The following YIPF2 variants were observed in gnomAD, a reference collection of about 807,000 sequenced individuals.
The protein encoded by YIPF2 is protein YIPF2.
Under a neutral mutation model 38.8 loss-of-function variants are expected in YIPF2, and 30 were observed. The observed-to-expected ratio is 0.77, with a 90% CI of 0.58 to 1.05. The LOEUF is 1.05. Among genes scored for constraint, YIPF2 ranks in the 50% least tolerant of loss-of-function variants. The probability of loss-of-function intolerance (pLI) is 0.00; values close to 1 mark genes in which losing one functional copy is unlikely to be tolerated. For synonymous variants in YIPF2, 194 were observed against 183.8 expected, an observed-to-expected ratio of 1.06 and a Z score of -0.45; for missense variants, 401 against 409.7, an observed-to-expected ratio of 0.98 and a Z score of 0.18.
intron 4 of YIPF2, 29 bp downstream of exon 4, chr19:10,927,600 GC>G: frequency 6.2e-7 from 1 of 1,610,562 alleles, no homozygotes; most frequent in Non-Finnish European, 8.5e-7. Context: ...ATAACTCTGA[GC>G]CCCATCCCAC....
chr19:10,923,992 C>T lies in YIPF2; in HGVS notation c.492G>A (p.Val164=). The T allele has an allele frequency of 6.2e-7, 1 of 1,612,832 alleles. No homozygotes were observed. The highest frequency in any genetic ancestry group is 8.5e-7 in the Non-Finnish European group (1 of 1,179,428). The change falls in exon 7 of 10, where the codon GTG becomes GTA. Residue 164 remains valine, a synonymous_variant. Coordinates refer to ENST00000586748, the MANE Select transcript of YIPF2 (RefSeq NM_001321439.2). ...CATAGCAGTAGATGCTGATGCCTGCCACGGTCACTGGGGGGGGCAAGGTGA... is the reference window on the plus strand; with the variant it reads ...CATAGCAGTAGATGCTGATGCCTGCTACGGTCACTGGGGGGGGCAAGGTGA... ...HYSPQFHKVT[V]AGISIYCYAW... is the part of the protein sequence containing the mutation.
chr19:10,927,279 C>G (rs552409700), intron 4 of YIPF2, among the ~76,000 whole-genome samples: 1 of 152,324 alleles, frequency 6.6e-6, no homozygotes, highest in East Asian at 1.9e-4. Context: ...GCTGGGATTA[C>G]AGGCAGGAGC....
chr19:10,924,029 C>T, intron 6 of YIPF2, 30 bp from the exon 7 acceptor site: 5 of 1,612,736 alleles, frequency 3.1e-6, no homozygotes, highest in Non-Finnish European at 4.2e-6. Flanking sequence ...CAGTCACCCC[C>T]TGTACCCCAG....
At position 10,922,597 on chromosome 19, in the gene YIPF2, G is replaced by C. The variant is rs2074275541; in HGVS notation, c.*597C>G. The C allele has an allele frequency of 6.6e-6, 1 of 151,832 alleles. No individual in the cohort carries two copies. The highest frequency in any genetic ancestry group is 2.1e-4 in the South Asian group (1 of 4,826). The allele number at this position is 151,832 out of a possible 1,614,324, so 9.4% of individuals were successfully genotyped here. A position where few individuals can be genotyped will look rare whatever the true frequency, so the allele number is the denominator to read the frequency against. On this transcript the variant is annotated 3_prime_UTR_variant, in exon 10 of 10. Coordinates refer to ENST00000586748, the MANE Select transcript of YIPF2 (RefSeq NM_001321439.2). ...GTCACGGAAGGCGTCCTTTTTCCTT[G>C]TAGCTAACGTTAGGCCTGAGTAGCT...
intron 4 of YIPF2, among the ~76,000 whole-genome samples, chr19:10,926,772 C>T (rs758633590): frequency 1.3e-5 from 2 of 152,190 alleles, no homozygotes; most frequent in East Asian, 1.9e-4. Flanking sequence ...AGTGATCCAC[C>T]GCCTCGGCAT....
At chr19:10,924,927 A>T (rs2083398951) in intron 5 of YIPF2, among the ~76,000 whole-genome samples, 1 of 152,028 alleles carries the variant, frequency 6.6e-6, no homozygotes, top group Non-Finnish European at 1.5e-5. Flanking sequence ...AGGGACCCCG[A>T]AAACACTTAA....
In YIPF2 at chr19:10,927,881, TGTG is replaced by T. The variant is rs1366657855; in HGVS notation, c.107_109del (p.Pro36del). ...GCCCACGGCCACAGCCACGTGCCCT[TGTG>T]GGGTCAGCTGATCGCTTCTGCTGGT... On this transcript the variant is annotated inframe_deletion, in exon 3 of 10. Transcript: ENST00000586748. 10 of 1,612,594 alleles carry T rather than the reference TGTG, an allele frequency of 6.2e-6. No homozygotes were observed. Among genetic ancestry groups the T allele is most frequent in the Non-Finnish European group, 8.5e-6 (10 of 1,179,108 alleles).
At chr19:10,927,408 C>T (rs1372465077) in intron 4 of YIPF2, among the ~76,000 whole-genome samples, 1 of 152,180 alleles carries the variant, frequency 6.6e-6, no homozygotes, top group Non-Finnish European at 1.5e-5. Context: ...AGGTCTCAGC[C>T]AATTCCTCAC....
rs753528880 is a variant in YIPF2 at position 10,923,357 on chromosome 19, T to C, written c.885A>G (p.Gln295=). ...LPPENVAPPP[Q]ITSLPSNIAL... ...CGATGTTTGAGGGCAGAGATGTGAT[T>C]TGGGGTGGAGGAGCCACGTTCTCCG... is the stretch of plus-strand genomic sequence containing the variant. The change falls in exon 9 of 10, where the codon CAA becomes CAG. Residue 295 remains glutamine, a synonymous_variant. Transcript: ENST00000586748. 1 of 1,613,388 alleles carries C rather than the reference T, an allele frequency of 6.2e-7. No individual in the cohort carries two copies. The highest frequency in any genetic ancestry group is 1.7e-5 in the Admixed American group (1 of 59,882).
rs1568365781 is a variant in YIPF2, at chr19:10,927,731, C to T, written c.193-15G>A. The T allele has an allele frequency of 6.2e-7, 1 of 1,612,758 alleles. No homozygotes were observed. The highest frequency in any genetic ancestry group is 2.2e-5 in the East Asian group (1 of 44,882). On this transcript the variant is annotated splice_polypyrimidine_tract_variant and intron_variant, in intron 3 of 9. Transcript: ENST00000586748. Reference sequence around the variant, plus strand: ...TCCTGCAGGAGCTGCACATTGCGGGCATTCAGTGCCTGCCCGGAGAGCCTG... The same window carrying T: ...TCCTGCAGGAGCTGCACATTGCGGGTATTCAGTGCCTGCCCGGAGAGCCTG...
At position 10,925,727 on chromosome 19, in the gene YIPF2, T is replaced by A; in HGVS notation, c.326A>T (p.Asn109Ile). The A allele has an allele frequency of 6.2e-7, 1 of 1,613,928 alleles. No homozygotes were observed. Among genetic ancestry groups the A allele is most frequent in the Non-Finnish European group, 8.5e-7 (1 of 1,179,984 alleles). The change falls in exon 5 of 10, where the codon AAC becomes ATC. Residue 109 changes from asparagine (N) to isoleucine (I), a missense_variant. Physicochemically the swap from Asn to Ile is moderately radical, Grantham distance 149 (BLOSUM62 -3). Transcript: ENST00000586748. ...ATTCCGCAGATGGTGCCGCACAAAGTTGTGGCCAGGCCGGGGCAGCAGTGA... is the reference window on the plus strand; with the variant it reads ...ATTCCGCAGATGGTGCCGCACAAAGATGTGGCCAGGCCGGGGCAGCAGTGA... ...KGSLLPRPGH[N>I]FVRHHLRNRP...
intron 5 of YIPF2, 131 bp downstream of exon 5, chr19:10,925,555 G>T: frequency 1.8e-6 from 2 of 1,088,466 alleles, no homozygotes; most frequent in Non-Finnish European, 2.7e-6. Flanking sequence ...TCATGTCTCT[G>T]TCTCCCTGAA....
chr19:10,928,051 A>G, intron 2 of YIPF2, 92 bp from the exon 3 acceptor site: 1 of 1,516,458 alleles, frequency 6.6e-7, no homozygotes, highest in Non-Finnish European at 8.9e-7. Flanking sequence ...CTGGGGGCGG[A>G]GGCTCTGCTG....
Position 10,923,076 on chromosome 19 carries a change from G to T in YIPF2, c.*118C>A, listed in dbSNP as rs760989205. ...TAAAAGTGTTTGCTTTGTAAGAAAAGTCTGGAAAGTAGCAGAATCATCTCA... is the reference window on the plus strand; with the variant it reads ...TAAAAGTGTTTGCTTTGTAAGAAAATTCTGGAAAGTAGCAGAATCATCTCA... On this transcript the variant is annotated 3_prime_UTR_variant, in exon 10 of 10. Transcript: ENST00000586748. 1 of 522,378 alleles carries T rather than the reference G, an allele frequency of 1.9e-6. No homozygotes were observed. The highest frequency in any genetic ancestry group is 2.0e-5 in the African/African-American group (1 of 50,344). The allele number at this position is 522,378 out of a possible 1,614,324, so 32.4% of individuals were successfully genotyped here. A position where few individuals can be genotyped will look rare whatever the true frequency, so the allele number is the denominator to read the frequency against.
chr19:10,923,561 C>T lies in YIPF2; in HGVS notation c.768G>A (p.Arg256=). ...CGGACAGCAGCACTGTGGCCACCAG[C>T]CTGGTGTCCTCACGGACCACGGGCC... ...TLWPVVREDT[R]LVATVLLSVV... The change falls in exon 8 of 10, where the codon AGG becomes AGA. Residue 256 remains arginine, a synonymous_variant. Coordinates refer to ENST00000586748, the MANE Select transcript of YIPF2 (RefSeq NM_001321439.2). 4 of 1,612,678 alleles carry T rather than the reference C, an allele frequency of 2.5e-6. No individual in the cohort carries two copies. The highest frequency in any genetic ancestry group is 3.4e-6 in the Non-Finnish European group (4 of 1,179,802).
At position 10,923,524 on chromosome 19, in the gene YIPF2, G is replaced by A. The variant is rs973149334; in HGVS notation, c.805C>T (p.Leu269Phe). Reference sequence around the variant, plus strand: ...CAGCCCATGGCCAGGAGGGCGTGGAGCAGCACGACCACGGACAGCAGCACT... The same window carrying A: ...CAGCCCATGGCCAGGAGGGCGTGGAACAGCACGACCACGGACAGCAGCACT... ...ATVLLSVVVL[L>F]HALLAMGCKL... Residue 269 changes from leucine to phenylalanine, a missense_variant, in exon 8 of 10, where the codon CTC becomes TTC. By Grantham distance (22) the Leu-to-Phe change is conservative. Transcript: ENST00000586748. 6.2e-7 allele frequency: 1 copy of A among 1,612,562 alleles called. No homozygotes were observed. Among genetic ancestry groups the A allele is most frequent in the African/African-American group, 1.3e-5 (1 of 75,038 alleles).
Position 10,923,944 on chromosome 19 carries a change from CAG to C in YIPF2, c.538_539del (p.Leu180ValfsTer73). The C allele has an allele frequency of 6.2e-7, 1 of 1,613,418 alleles. No individual in the cohort carries two copies. The highest frequency in any genetic ancestry group is 8.5e-7 in the Non-Finnish European group (1 of 1,179,770). On this transcript the variant is annotated frameshift_variant, in exon 7 of 10. Coordinates refer to ENST00000586748, the MANE Select transcript of YIPF2 (RefSeq NM_001321439.2). LOFTEE classifies it high-confidence loss of function. Reference protein sequence around the residue: ...YCYAWLVPLALWGFLRWRKGV... With the variant: ...YCYAWLVPLAXWGFLRWRKGV... ...CCTTGCGCCACCGCAGGAAGCCCCA[CAG>C]GGCCAGGGGCACCAGCCACGCATAG...
Position 10,923,825 on chromosome 19 carries a change from A to C in YIPF2, c.651+8T>G. On this transcript the variant is annotated splice_region_variant and intron_variant, in intron 7 of 9. Transcript: ENST00000586748. ...GCCACCACCCACTCCGCGCCAGGCC[A>C]CACTCACCACCATGGGGATGAAGAC... The C allele has an allele frequency of 6.2e-7, 1 of 1,611,476 alleles. No homozygotes were observed. Among genetic ancestry groups the C allele is most frequent in the Non-Finnish European group, 8.5e-7 (1 of 1,178,760 alleles).
In YIPF2 at chr19:10,922,330, G is replaced by T. The variant is rs12972875; in HGVS notation, c.*864C>A. On this transcript the variant is annotated 3_prime_UTR_variant, in exon 10 of 10. Transcript: ENST00000586748. ...CGCCGCGGGGAGGGGTGGCCCCGCC[G>T]AGGCTTCAGGGGCCCCCTCCCCACC... 2 of 152,610 alleles carry T rather than the reference G, an allele frequency of 1.3e-5. 1 individual carries two copies. The highest frequency in any genetic ancestry group is 1.3e-4 in the Admixed American group (2 of 15,278). 9.5% of individuals were successfully genotyped at this position (152,610 alleles called of 1,614,324 possible).
Sources: allele counts gnomAD v4.1 joint callset (sites outside exome capture counted in the v4.1 genomes callset), GRCh38; gene constraint gnomAD v4.1.1; transcripts MANE v1.5; gene names NCBI Gene and HGNC (gene_info 2026-07-23, HGNC 2026-07-21).